The following ECH1 variants were observed in gnomAD, a reference collection of about 807,000 sequenced individuals.
ECH1 encodes delta(3,5)-Delta(2,4)-dienoyl-CoA isomerase, mitochondrial.
In ECH1, 30 loss-of-function variants were observed where a neutral mutation model predicts 37.0. The observed-to-expected ratio is 0.81, with a 90% CI of 0.61 to 1.10. The LOEUF is 1.10. Among genes scored for constraint, ECH1 ranks in the 50% least tolerant of loss-of-function variants. The pLI is 0.00. For missense variants in ECH1, 456 were observed against 441.6 expected (o/e 1.03, Z -0.29); for synonymous variants, 178 against 176.0 (o/e 1.01, Z -0.09).
At chr19:38,816,648 C>T in intron 6 of ECH1, 125 bp from the exon 7 acceptor site, 1 of 1,182,162 alleles carries the variant, frequency 8.5e-7, no homozygotes. Flanking sequence ...TGACTTCCTC[C>T]AAAGTCCCAT....
rs1244450023 is a variant in ECH1 at position 38,817,825 on chromosome 19, G to A, written c.350-250C>T. The A allele has an allele frequency of 3.3e-6, 3 of 922,182 alleles. No individual in the cohort carries two copies. The South Asian group carries it at 1.6e-4, about 49-fold the overall frequency. 57.1% of individuals were successfully genotyped at this position (922,182 alleles called of 1,614,324 possible). A position where few individuals can be genotyped will look rare whatever the true frequency, so the allele number is the denominator to read the frequency against. ...TACCAGCTAGGTCCTATTACTATTT[G>A]TGTTACCAATGGGTAAACTAAGGCA... On this transcript the variant is annotated intron_variant, in intron 3 of 9. Coordinates refer to ENST00000221418, the MANE Select transcript of ECH1 (RefSeq NM_001398.3).
chr19:38,819,861 C>T (rs934275473), intron 3 of ECH1, among the ~76,000 whole-genome samples: 22 of 151,762 alleles, frequency 1.4e-4, no homozygotes, highest in African/African-American at 4.6e-4. Flanking sequence ...CTGAGGTGGG[C>T]GGATCGTTTG....
In ECH1 at chr19:38,827,017, G is replaced by C. The variant is rs150782333; in HGVS notation, c.349+4061C>G. ...CAGAGGGACCAGGGCCCTCAGCAAGGATGGAGAGGGAGGACAGGGAGGAGA... is the reference window on the plus strand; with the variant it reads ...CAGAGGGACCAGGGCCCTCAGCAAGCATGGAGAGGGAGGACAGGGAGGAGA... On this transcript the variant is annotated intron_variant, in intron 3 of 9. Coordinates refer to ENST00000221418, the MANE Select transcript of ECH1 (RefSeq NM_001398.3). Among the ~76,000 whole-genome samples, 927 of 149,138 alleles carry C rather than the reference G, an allele frequency of 6.2e-3. 15 individuals carry two copies. Among genetic ancestry groups the C allele is most frequent in the African/African-American group, 0.018 (711 of 40,608 alleles).
intron 3 of ECH1, among the ~76,000 whole-genome samples, chr19:38,825,450 CA>C (rs1971725230): frequency 6.6e-6 from 1 of 152,218 alleles, no homozygotes; most frequent in African/African-American, 2.4e-5. Flanking sequence ...CCGAATCACT[CA>C]AGGGTCAATT....
intron 3 of ECH1, among the ~76,000 whole-genome samples, chr19:38,825,021 T>C (rs1399903482): frequency 1.3e-5 from 2 of 152,192 alleles, no homozygotes; most frequent in Non-Finnish European, 2.9e-5. Context: ...GATAGGTACA[T>C]ACATGCCCTA....
At chr19:38,827,765 C>T (rs1056413330) in intron 3 of ECH1, among the ~76,000 whole-genome samples, 5 of 152,116 alleles carry the variant, frequency 3.3e-5, no homozygotes, top group African/African-American at 9.7e-5. Flanking sequence ...CTCCCTGGTT[C>T]GAGCCATCCT....
intron 3 of ECH1, among the ~76,000 whole-genome samples, chr19:38,826,068 C>T (rs893583460): frequency 6.6e-6 from 1 of 152,236 alleles, no homozygotes; most frequent in African/African-American, 2.4e-5. Flanking sequence ...TCCGATGAAT[C>T]CTGGGACAGC....
At chr19:38,827,255 C>T (rs1215654522) in intron 3 of ECH1, among the ~76,000 whole-genome samples, 1 of 152,188 alleles carries the variant, frequency 6.6e-6, no homozygotes, top group Non-Finnish European at 1.5e-5. Flanking sequence ...CTGGGACTGT[C>T]CTAGTCAAGA....
At chr19:38,822,528 G>C (rs573295450) in intron 3 of ECH1, among the ~76,000 whole-genome samples, 3 of 150,246 alleles carry the variant, frequency 2.0e-5, no homozygotes, top group African/African-American at 7.4e-5. Flanking sequence ...GTCTAGCTAA[G>C]GGATTGTAAA....
chr19:38,831,391 C>A lies in ECH1; in HGVS notation c.178G>T (p.Val60Leu), dbSNP rs1432310242. The A allele has an allele frequency of 8.7e-6, 14 of 1,613,934 alleles. No homozygotes were observed. Among genetic ancestry groups the A allele is most frequent in the Non-Finnish European group, 1.2e-5 (14 of 1,180,040 alleles). ...AGAACATGTTTCTGCGCAGACGTCA[C>A]ACGAAGGGACTCATAGCTGTGGTCT... Reference protein sequence around the residue: ...APDHSYESLRVTSAQKHVLHV... With the variant: ...APDHSYESLRLTSAQKHVLHV... The change falls in exon 2 of 10, where the codon GTG (valine) becomes TTG (leucine). Residue 60 changes from valine (V) to leucine (L), a missense_variant. Transcript: ENST00000221418.
At chr19:38,816,929 T>C in intron 6 of ECH1, 136 bp downstream of exon 6, 2 of 1,024,476 alleles carry the variant, frequency 2.0e-6, no homozygotes, top group Non-Finnish European at 2.9e-6. Flanking sequence ...CTTCACCTCT[T>C]GACTTCCTCT....
chr19:38,817,634 C>G, intron 3 of ECH1, 59 bp from the exon 4 acceptor site: 1 of 1,530,870 alleles, frequency 6.5e-7, no homozygotes, highest in Non-Finnish European at 8.8e-7. Flanking sequence ...ATTGACTCAA[C>G]CAGGGATCAG....
At chr19:38,816,429 C>T (rs1971577458) in intron 7 of ECH1, 24 bp downstream of exon 7, 3 of 1,613,990 alleles carry the variant, frequency 1.9e-6, no homozygotes, top group Non-Finnish European at 2.5e-6. Flanking sequence ...CTCCTGCCCA[C>T]ACCCCCACAC....
intron 9 of ECH1, 51 bp from the exon 10 acceptor site, chr19:38,815,768 A>T: frequency 6.2e-7 from 1 of 1,613,804 alleles, no homozygotes; most frequent in Non-Finnish European, 8.5e-7. Context: ...AGCAGGGGCC[A>T]ATCAGGATAA....
At position 38,817,433 on chromosome 19, in the gene ECH1, C is replaced by T; in HGVS notation, c.474+18G>A. The stretch of plus-strand genomic sequence containing the variant: ...AGGCGCGTATGGAGAAAGATCCCCT[C>T]CAGACCCCTAGAGTCACCCTCTCGA... On this transcript the variant is annotated intron_variant, in intron 4 of 9. Transcript: ENST00000221418. The T allele has an allele frequency of 6.2e-7, 1 of 1,612,594 alleles. No homozygotes were observed. The highest frequency in any genetic ancestry group is 8.5e-7 in the Non-Finnish European group (1 of 1,179,414).
intron 3 of ECH1, among the ~76,000 whole-genome samples, chr19:38,828,081 A>G (rs916550584): frequency 6.6e-6 from 1 of 152,090 alleles, no homozygotes; most frequent in Non-Finnish European, 1.5e-5. Flanking sequence ...AAAACCAAAA[A>G]AACTAATTCC....
At position 38,831,398 on chromosome 19, in the gene ECH1, G is replaced by T; in HGVS notation, c.171C>A (p.Ser57=). 1 of 1,614,028 alleles carries T rather than the reference G, an allele frequency of 6.2e-7. No individual in the cohort carries two copies. The highest frequency in any genetic ancestry group is 8.5e-7 in the Non-Finnish European group (1 of 1,180,018). The change falls in exon 2 of 10, where the codon TCC becomes TCA. Residue 57 remains serine, a synonymous_variant. Coordinates refer to ENST00000221418, the MANE Select transcript of ECH1 (RefSeq NM_001398.3). ...LGEAPDHSYE[S]LRVTSAQKHV... ...GTTTCTGCGCAGACGTCACACGAAG[G>T]GACTCATAGCTGTGGTCTGGGGCTT...
At chr19:38,831,047 G>T (rs748309275) in intron 3 of ECH1, 31 bp downstream of exon 3, 1 of 1,595,420 alleles carries the variant, frequency 6.3e-7, no homozygotes, top group Admixed American at 1.7e-5. Context: ...AGCTAGGAAG[G>T]CTGGCAGGGT....
In ECH1 at chr19:38,816,009, T is replaced by G. The variant is rs1452377652; in HGVS notation, c.732-2A>C. ...ACCTCTTTGTCTGGGAACACCCGGC[T>G]GCAGTGAAAGAGATCAGGGACCGGG... is the stretch of plus-strand genomic sequence containing the variant. On this transcript the variant is annotated splice_acceptor_variant, in intron 8 of 9. Transcript: ENST00000221418. LOFTEE classifies it high-confidence loss of function. 3 of 1,612,818 alleles carry G rather than the reference T, an allele frequency of 1.9e-6. No individual in the cohort carries two copies. Among genetic ancestry groups the G allele is most frequent in the Non-Finnish European group, 2.5e-6 (3 of 1,179,974 alleles).
Sources: allele counts gnomAD v4.1 joint callset (sites outside exome capture counted in the v4.1 genomes callset), GRCh38; gene constraint gnomAD v4.1.1; transcripts MANE v1.5; gene names NCBI Gene and HGNC (gene_info 2026-07-23, HGNC 2026-07-21).